The following GPLD1 variants were observed in gnomAD, a reference collection of about 807,000 sequenced individuals.
GPLD1 encodes the protein glycosylphosphatidylinositol specific phospholipase D1, also known as phosphatidylinositol-glycan-specific phospholipase D.
In GPLD1, 84 loss-of-function variants were observed where a neutral mutation model predicts 112.6. That is an observed-to-expected ratio of 0.75 (90% CI 0.63 to 0.89). GPLD1 has a LOEUF of 0.89. GPLD1 is among the 40% of genes least tolerant of loss of function. The pLI is 0.00. For missense variants in GPLD1, 1,044 were observed against 1,051.5 expected, an observed-to-expected ratio of 0.99 and a Z score of 0.10; for synonymous variants, 386 against 403.8, an observed-to-expected ratio of 0.96 and a Z score of 0.53.
chr6:24,433,340 TCA>T, intron 23 of GPLD1, 21 bp downstream of exon 23: 1 of 1,606,028 alleles, frequency 6.2e-7, no homozygotes, highest in African/African-American at 1.3e-5. Flanking sequence ...TTTTCTTTCT[TCA>T]GTCTTTCAAG....
At chr6:24,448,279 T>A in intron 15 of GPLD1, 71 bp from the exon 16 acceptor site, 1 of 1,005,408 alleles carries the variant, frequency 9.9e-7, no homozygotes, top group Non-Finnish European at 1.6e-6. Flanking sequence ...TAACAGAAGA[T>A]AAAAAGGACT....
At chr6:24,430,718 T>G (rs1296992902) in intron 24 of GPLD1, among the ~76,000 whole-genome samples, 2 of 152,052 alleles carry the variant, frequency 1.3e-5, no homozygotes, top group African/African-American at 4.8e-5. Context: ...TACCCAAATC[T>G]CAGAAAAAGG....
chr6:24,460,902 A>G (rs1763412168), intron 11 of GPLD1, among the ~76,000 whole-genome samples: 1 of 151,850 alleles, frequency 6.6e-6, no homozygotes, highest in Admixed American at 6.6e-5. Context: ...CACCACACCC[A>G]GCTGATTTTT....
chr6:24,459,254 T>C (rs968663907), intron 12 of GPLD1, among the ~76,000 whole-genome samples: 1 of 149,284 alleles, frequency 6.7e-6, no homozygotes, highest in Non-Finnish European at 1.5e-5. Flanking sequence ...CTGCTATTTT[T>C]TTTTTGTTTT....
chr6:24,433,350 A>G lies in GPLD1; in HGVS notation c.2385+13T>C, dbSNP rs1762464825. Reference sequence around the variant, plus strand: ...GTAATTTTTCTTTCTTCAGTCTTTCAAGGGATACTTACTTCAGGAGAAATC... The same window carrying G: ...GTAATTTTTCTTTCTTCAGTCTTTCGAGGGATACTTACTTCAGGAGAAATC... On this transcript the variant is annotated intron_variant, in intron 23 of 24. Coordinates refer to ENST00000230036, the MANE Select transcript of GPLD1 (RefSeq NM_001503.4). The G allele has an allele frequency of 6.2e-7, 1 of 1,608,050 alleles. No homozygotes were observed.
At chr6:24,459,453 C>T (rs6456615) in intron 12 of GPLD1, among the ~76,000 whole-genome samples, 33,395 of 151,796 alleles carry the variant, frequency 0.22, 3,935 homozygotes, top group Non-Finnish European at 0.26. Flanking sequence ...GACAGGGTCT[C>T]ATTATGTTAC....
intron 7 of GPLD1, among the ~76,000 whole-genome samples, chr6:24,469,011 T>C (rs1325423165): frequency 6.6e-6 from 1 of 152,236 alleles, no homozygotes; most frequent in East Asian, 1.9e-4. Flanking sequence ...AAAAGAATTC[T>C]AAATCAGGCT....
At chr6:24,464,495 A>G (rs1763533566) in intron 10 of GPLD1, among the ~76,000 whole-genome samples, 1 of 152,186 alleles carries the variant, frequency 6.6e-6, no homozygotes, top group African/African-American at 2.4e-5. Flanking sequence ...CCGATTGTTA[A>G]AAACAAGTTT....
rs750468062 is a variant in GPLD1 at position 24,437,194 on chromosome 6, G to A, written c.2116C>T (p.Leu706Phe). Reference sequence around the variant, plus strand: ...CGGCGGTCTCCGCTGAAGGTGCTGAGCAGCAGAGGCTGCGCGTCAGATGTG... The same window carrying A: ...CGGCGGTCTCCGCTGAAGGTGCTGAACAGCAGAGGCTGCGCGTCAGATGTG... The part of the protein sequence containing the change: ...ALTSDAQPLL[L>F]STFSGDRRFS... The change falls in exon 21 of 25, where the codon CTC (leucine) becomes TTC (phenylalanine). Residue 706 changes from leucine (L) to phenylalanine (F), a missense_variant. Physicochemically the swap from Leu to Phe is conservative, Grantham distance 22. Transcript: ENST00000230036. 1.2e-6 allele frequency: 2 copies of A among 1,614,162 alleles called. No homozygotes were observed. Among genetic ancestry groups the A allele is most frequent in the Non-Finnish European group, 8.5e-7 (1 of 1,179,956 alleles).
chr6:24,436,433 C>T (rs1762580109), intron 22 of GPLD1, 143 bp downstream of exon 22: 16 of 678,804 alleles, frequency 2.4e-5, no homozygotes, highest in Non-Finnish European at 3.5e-5. Context: ...CAGCTGGGGC[C>T]CACAAAACAT....
rs1467663741 is a variant in GPLD1, at chr6:24,466,823, T to A, written c.682-4A>T. ...TTGTAGAGTAAGTGGGATATAACTA[T>A]GGCAGAGAGAAAGAAAAAATAAAAT... On this transcript the variant is annotated splice_region_variant and splice_polypyrimidine_tract_variant and intron_variant, in intron 9 of 24. Coordinates refer to ENST00000230036, the MANE Select transcript of GPLD1 (RefSeq NM_001503.4). 1 of 1,598,134 alleles carries A rather than the reference T, an allele frequency of 6.3e-7. No individual in the cohort carries two copies. Among genetic ancestry groups the A allele is most frequent in the African/African-American group, 1.4e-5 (1 of 72,594 alleles).
At position 24,445,755 on chromosome 6, in the gene GPLD1, G is replaced by T. The variant is rs752220216; in HGVS notation, c.1897C>A (p.Gln633Lys). ...TCTCCAGAAATGGTAAACCAGCTTT[G>T]GCCGTTTGGTGGGAAGTAGCCATAC... ...RVYGYFPPNGQSWFTISGDKA... is the reference protein window; with the variant it reads ...RVYGYFPPNGKSWFTISGDKA... The change falls in exon 19 of 25, where the codon CAA (glutamine) becomes AAA (lysine). Residue 633 changes from glutamine to lysine, a missense_variant. Coordinates refer to ENST00000230036, the MANE Select transcript of GPLD1 (RefSeq NM_001503.4). The T allele has an allele frequency of 6.2e-7, 1 of 1,613,636 alleles. No individual in the cohort carries two copies. The highest frequency in any genetic ancestry group is 1.1e-5 in the South Asian group (1 of 91,060).
At chr6:24,464,935 G>A (rs914643499) in intron 10 of GPLD1, among the ~76,000 whole-genome samples, 1 of 152,176 alleles carries the variant, frequency 6.6e-6, no homozygotes, top group African/African-American at 2.4e-5. Context: ...GCTCACGCCT[G>A]TAATCTCAGC....
intron 15 of GPLD1, among the ~76,000 whole-genome samples, chr6:24,449,299 T>C (rs534371869): frequency 9.9e-5 from 15 of 152,136 alleles, no homozygotes; most frequent in African/African-American, 3.1e-4. Flanking sequence ...CAGTCACACA[T>C]GGTGCCCGGA....
intron 5 of GPLD1, 100 bp from the exon 6 acceptor site, chr6:24,473,767 T>A: frequency 1.4e-6 from 1 of 703,658 alleles, no homozygotes. Flanking sequence ...GCTAACTCAA[T>A]GAACTGCTGA....
At chr6:24,465,861 G>C (rs564394517) in intron 10 of GPLD1, among the ~76,000 whole-genome samples, 2 of 152,228 alleles carry the variant, frequency 1.3e-5, no homozygotes, top group Non-Finnish European at 2.9e-5. Context: ...ACGTTGGAGT[G>C]TGTGTCGGGG....
At chr6:24,494,500 G>A (rs934913257), upstream of GPLD1, among the ~76,000 whole-genome samples, 2 of 152,160 alleles carry the variant, frequency 1.3e-5, no homozygotes, top group African/African-American at 4.8e-5. Context: ...GTGCTCAGGA[G>A]CTACAACTGA....
At chr6:24,469,064 AT>A (rs2127356617) in intron 7 of GPLD1, among the ~76,000 whole-genome samples, 1 of 152,380 alleles carries the variant, frequency 6.6e-6, no homozygotes, top group South Asian at 2.1e-4. Context: ...AAAGAGCAGC[AT>A]TTAAAAACCA....
chr6:24,486,513 G>C (rs1764381226), intron 1 of GPLD1, among the ~76,000 whole-genome samples: 1 of 152,070 alleles, frequency 6.6e-6, no homozygotes, highest in South Asian at 2.1e-4. Flanking sequence ...CTTGGTAGGA[G>C]CTCAAGAAAA....
Sources: gnomAD v4.1 joint callset for allele counts (sites outside exome capture counted in the v4.1 genomes callset) on GRCh38, gnomAD v4.1.1 for gene constraint, MANE v1.5 for transcripts, NCBI Gene and HGNC (gene_info 2026-07-23, HGNC 2026-07-21) for gene names.